Variants in PHLDB1 observed in about 807,000 individuals in gnomAD.
PHLDB1 encodes the protein pleckstrin homology like domain family B member 1.
A neutral mutation model predicts 139.3 loss-of-function variants in PHLDB1; 65 were observed. That is an observed-to-expected ratio of 0.47 (90% CI 0.38 to 0.57). The LOEUF is 0.57. PHLDB1 is among the 20% of genes least tolerant of loss of function. The probability of loss-of-function intolerance (pLI) is 0.00; values close to 1 mark genes in which losing one functional copy is unlikely to be tolerated. For synonymous variants in PHLDB1, 679 were observed against 734.5 expected, an observed-to-expected ratio of 0.92 and a Z score of 1.22; for missense variants, 1,624 against 1,839.7, an observed-to-expected ratio of 0.88 and a Z score of 2.14.
In PHLDB1 at chr11:118,628,095, G is replaced by C; in HGVS notation, c.1272G>C (p.Leu424=). The C allele has an allele frequency of 1.9e-6, 3 of 1,614,012 alleles. No individual in the cohort carries two copies. The highest frequency in any genetic ancestry group is 2.5e-6 in the Non-Finnish European group (3 of 1,180,008). Reference sequence around the variant, plus strand: ...TAACAACCAGCCCCTCACGCCAACTGGTGGGCCGAACATTTTCAGATGGGT... The same window carrying C: ...TAACAACCAGCCCCTCACGCCAACTCGTGGGCCGAACATTTTCAGATGGGT... ...RVLTTSPSRQ[L]VGRTFSDGLA... is the part of the protein sequence containing the mutation. The change falls in exon 6 of 23, where the codon CTG becomes CTC. Residue 424 remains leucine, a synonymous_variant. Coordinates refer to ENST00000600882, the MANE Select transcript of PHLDB1 (RefSeq NM_001144758.3).
Position 118,648,057 on chromosome 11 carries a change from G to A in PHLDB1, c.3635G>A (p.Arg1212Gln), listed in dbSNP as rs375699396. The change falls in exon 18 of 23, where the codon CGG (arginine) becomes CAG (glutamine). Residue 1212 changes from arginine (R) to glutamine (Q), a missense_variant. Coordinates refer to ENST00000600882, the MANE Select transcript of PHLDB1 (RefSeq NM_001144758.3). ...CTGGTCGAGAAGGAGGTCAAGATGCGGGAGAAACAATTTTCCCAGGTGAAT... is the reference window on the plus strand; with the variant it reads ...CTGGTCGAGAAGGAGGTCAAGATGCAGGAGAAACAATTTTCCCAGGTGAAT... Reference protein sequence around the residue: ...QQLVEKEVKMREKQFSQARPL... With the variant: ...QQLVEKEVKMQEKQFSQARPL... 12 of 1,613,396 alleles carry A rather than the reference G, an allele frequency of 7.4e-6. No homozygotes were observed. Among genetic ancestry groups the A allele is most frequent in the East Asian group, 2.2e-5 (1 of 44,872 alleles).
At chr11:118,644,383 G>C in intron 15 of PHLDB1, 1 of 578,742 alleles carries the variant, frequency 1.7e-6, no homozygotes, top group East Asian at 2.9e-5. Context: ...GGCTTAGGGG[G>C]CTGTGACATC....
intron 4 of PHLDB1, among the ~76,000 whole-genome samples, chr11:118,618,585 C>T (rs554232851): frequency 2.0e-5 from 3 of 152,024 alleles, no homozygotes; most frequent in East Asian, 3.9e-4. Context: ...TTCAAGTGGG[C>T]GGCAGGGGTG....
chr11:118,634,411 T>C (rs1945273384), intron 9 of PHLDB1: 2 of 152,374 alleles, frequency 1.3e-5, no homozygotes, highest in Admixed American at 6.5e-5. Flanking sequence ...TCACCATCAC[T>C]ACCCTTTTTC....
In PHLDB1 at chr11:118,642,370, C is replaced by A. The variant is rs781792662; in HGVS notation, c.2853C>A (p.Pro951=). 1 of 1,610,160 alleles carries A rather than the reference C, an allele frequency of 6.2e-7. No individual in the cohort carries two copies. Among genetic ancestry groups the A allele is most frequent in the Admixed American group, 1.7e-5 (1 of 60,010 alleles). ...CTCACTCTTCTCCCCCGCCTCTGCC[C>A]GCCAAAGCTTCCCGTCAGCTGCAGG... ...ASPHSSPPPL[P]AKASRQLQVY... Residue 951 remains proline, a synonymous_variant, in exon 13 of 23, where the codon CCC becomes CCA. Coordinates refer to ENST00000600882, the MANE Select transcript of PHLDB1 (RefSeq NM_001144758.3).
At chr11:118,617,165 G>A (rs1335152215) in intron 4 of PHLDB1, among the ~76,000 whole-genome samples, 2 of 152,220 alleles carry the variant, frequency 1.3e-5, no homozygotes, top group Admixed American at 1.3e-4. Flanking sequence ...GCTCACCCTG[G>A]AAACAGGGTT....
At position 118,656,685 on chromosome 11, in the gene PHLDB1, C is replaced by T. The variant is rs1555142084; in HGVS notation, c.3996C>T (p.Ser1332=). 1.9e-6 allele frequency: 3 copies of T among 1,613,492 alleles called. No individual in the cohort carries two copies. The South Asian group carries it at 3.3e-5, about 18-fold the overall frequency. The part of the protein sequence containing the change: ...RFFRFTMVTE[S]PNPALTFCVK... ...ACCTTCCTCTCTTCCTTTGGCAGAG[C>T]CCGAACCCAGCCCTCACCTTCTGCG... Residue 1332 remains serine, a splice_region_variant and synonymous_variant, in exon 23 of 23, where the codon AGC becomes AGT. Transcript: ENST00000600882.
At position 118,642,404 on chromosome 11, in the gene PHLDB1, C is replaced by G; in HGVS notation, c.2877+10C>G. ...TTCCCGTCAGCTGCAGGTAACCCCT[C>G]CTTCACTGCCCGTCCTCCCCAGCCT... is the stretch of plus-strand genomic sequence containing the variant. On this transcript the variant is annotated intron_variant, in intron 13 of 22. Transcript: ENST00000600882. 1.2e-6 allele frequency: 2 copies of G among 1,604,914 alleles called. No individual in the cohort carries two copies. Among genetic ancestry groups the G allele is most frequent in the Non-Finnish European group, 1.7e-6 (2 of 1,179,308 alleles).
In PHLDB1 at chr11:118,618,490, T is replaced by C. The variant is rs146639532; in HGVS notation, c.355+2279T>C. On this transcript the variant is annotated intron_variant, in intron 4 of 22. Transcript: ENST00000600882. ...TCTGTGTGTCTGTGTAACCGGAGTG[T>C]GTTTATGTAGCTCCGGATGTGTTTG... is the stretch of plus-strand genomic sequence containing the variant. Among the ~76,000 whole-genome samples, 52 of 152,154 alleles carry C rather than the reference T, an allele frequency of 3.4e-4. No homozygotes were observed. The East Asian group carries it at 0.01, about 29-fold the overall frequency.
At position 118,625,023 on chromosome 11, in the gene PHLDB1, G is replaced by C. The variant is rs1246151131; in HGVS notation, c.445G>C (p.Gly149Arg). The C allele has an allele frequency of 6.2e-7, 1 of 1,613,324 alleles. No homozygotes were observed. The highest frequency in any genetic ancestry group is 1.3e-5 in the African/African-American group (1 of 74,906). The change falls in exon 5 of 23, where the codon GGC (glycine) becomes CGC (arginine). Residue 149 changes from glycine to arginine, a missense_variant. Physicochemically the swap from Gly to Arg is moderately radical, Grantham distance 125 (BLOSUM62 -2). Coordinates refer to ENST00000600882, the MANE Select transcript of PHLDB1 (RefSeq NM_001144758.3). ...KWMKSMIPAG[G>R]RAPGPPYSPV... The stretch of plus-strand genomic sequence containing the variant: ...GATGAAAAGCATGATTCCAGCAGGG[G>C]GCCGAGCCCCTGGGCCCCCCTACAG...
chr11:118,643,654 C>T, intron 13 of PHLDB1, 146 bp from the exon 14 acceptor site: 2 of 1,535,200 alleles, frequency 1.3e-6, no homozygotes, highest in African/African-American at 2.7e-5. Context: ...GGCCATTGGG[C>T]TGGCTCAGGA....
At chr11:118,636,348 C>T (rs1262102581) in intron 10 of PHLDB1, among the ~76,000 whole-genome samples, 1 of 151,898 alleles carries the variant, frequency 6.6e-6, no homozygotes, top group African/African-American at 2.4e-5. Context: ...AAATTGGTGA[C>T]GTAGGGGATT....
rs1438470428 is a variant in PHLDB1 at position 118,632,396 on chromosome 11, A to G, written c.2379+100A>G. On this transcript the variant is annotated intron_variant, in intron 9 of 22. Transcript: ENST00000600882. This position sits in a 1 kb window ranked among gnomAD's most constrained non-coding sequence, Gnocchi z 5.9. ...CCCTGTACCCTTCACCTCATCATCC[A>G]TTCTGCAGTACAAGTGGTCTCTGTG... 2 of 1,204,730 alleles carry G rather than the reference A, an allele frequency of 1.7e-6. No individual in the cohort carries two copies. The allele number at this position is 1,204,730 out of a possible 1,614,324, so 74.6% of individuals were successfully genotyped here. A position where few individuals can be genotyped will look rare whatever the true frequency, so the allele number is the denominator to read the frequency against.
At position 118,620,424 on chromosome 11, in the gene PHLDB1, G is replaced by A. The variant is rs935753428; in HGVS notation, c.355+4213G>A. Among the ~76,000 whole-genome samples, 2 of 152,192 alleles carry A rather than the reference G, an allele frequency of 1.3e-5. No individual in the cohort carries two copies. The highest frequency in any genetic ancestry group is 2.9e-5 in the Non-Finnish European group (2 of 68,036). ...GGAGAATCGCTTGAACCCCGGAGGC[G>A]GAGGTTGCAGTGAGCCGAGATCGCA... is the stretch of plus-strand genomic sequence containing the variant. On this transcript the variant is annotated intron_variant, in intron 4 of 22. Coordinates refer to ENST00000600882, the MANE Select transcript of PHLDB1 (RefSeq NM_001144758.3). The surrounding 1 kb of genome is among the most constrained non-coding windows in gnomAD (Gnocchi z 4.1).
At chr11:118,639,493 A>G (rs1946178374) in intron 12 of PHLDB1, 1 of 522,224 alleles carries the variant, frequency 1.9e-6, no homozygotes, top group Admixed American at 3.2e-5. Flanking sequence ...TTGGTGGCTG[A>G]ATATATGTGG....
chr11:118,631,757 C>T (rs1555110722), intron 7 of PHLDB1, among the ~76,000 whole-genome samples, 156 bp from the exon 8 acceptor site: 3 of 148,440 alleles, frequency 2.0e-5, no homozygotes, highest in African/African-American at 7.3e-5. Flanking sequence ...TTATTGCTCC[C>T]CTCAAAGGTG....
At position 118,645,709 on chromosome 11, in the gene PHLDB1, A is replaced by T. The variant is rs782175379; in HGVS notation, c.3417-26A>T. The T allele has an allele frequency of 6.2e-7, 1 of 1,611,576 alleles. No individual in the cohort carries two copies. The highest frequency in any genetic ancestry group is 2.2e-5 in the East Asian group (1 of 44,860). On this transcript the variant is annotated intron_variant, in intron 16 of 22. Coordinates refer to ENST00000600882, the MANE Select transcript of PHLDB1 (RefSeq NM_001144758.3). This position sits in a 1 kb window ranked among gnomAD's most constrained non-coding sequence, Gnocchi z 5.1. ...AGCCACCGCCTCAGCTCCTTGATGC[A>T]CTTCCTCTTCCCCTTCTCTCCCCAG...
chr11:118,608,611 G>C lies in PHLDB1; in HGVS notation c.-22+912G>C, dbSNP rs973388720. ...TAGCTCAGCGGTCCTGGAGCCTCCC[G>C]AGGCTGACTCATCGGGCGGCGGGCT... On this transcript the variant is annotated intron_variant, in intron 1 of 22. Transcript: ENST00000600882. The surrounding 1 kb of genome is among the most constrained non-coding windows in gnomAD (Gnocchi z 6.7). Among the ~76,000 whole-genome samples the C allele has an allele frequency of 6.6e-6, 1 of 152,070 alleles. No homozygotes were observed. The highest frequency in any genetic ancestry group is 1.5e-5 in the Non-Finnish European group (1 of 67,970).
chr11:118,631,781 G>T (rs571100557), intron 7 of PHLDB1, 132 bp from the exon 8 acceptor site: 5 of 1,085,710 alleles, frequency 4.6e-6, no homozygotes, highest in Non-Finnish European at 6.6e-6. Flanking sequence ...GTTGCGGGGG[G>T]GCAGGGAATT....
Sources: gnomAD v4.1 joint callset for allele counts (sites outside exome capture counted in the v4.1 genomes callset) on GRCh38, gnomAD v4.1.1 for gene constraint, Gnocchi (gnomAD v3.1) non-coding constraint, MANE v1.5 for transcripts, NCBI Gene and HGNC (gene_info 2026-07-23, HGNC 2026-07-21) for gene names.